FOXO3: variants seen among roughly 807,000 people sequenced by gnomAD.
FOXO3 encodes the protein forkhead box protein O3.
In FOXO3, 4 loss-of-function variants were observed where a neutral mutation model predicts 41.9. The ratio of observed to expected loss-of-function variants is 0.10; its 90% CI spans 0.05 to 0.22. The LOEUF (loss-of-function observed/expected upper bound fraction) is 0.22. Ranked by LOEUF, FOXO3 falls within the 10% of genes least tolerant of loss-of-function variation. FOXO3 has a pLI of 1.00. For missense variants in FOXO3, 534 were observed against 906.8 expected (o/e 0.59, Z 5.28); for synonymous variants, 318 against 389.3 (o/e 0.82, Z 2.16).
intron 1 of FOXO3, among the ~76,000 whole-genome samples, chr6:108,624,021 A>G (rs1368260064): frequency 6.6e-6 from 1 of 152,354 alleles, no homozygotes; most frequent in East Asian, 1.9e-4. Context: ...TCTGAATTGT[A>G]TATATAAACT....
At chr6:108,621,290 T>G (rs1777656318) in intron 1 of FOXO3, among the ~76,000 whole-genome samples, 1 of 152,136 alleles carries the variant, frequency 6.6e-6, no homozygotes, top group African/African-American at 2.4e-5. Flanking sequence ...TTGGGGTGAC[T>G]CGTGGAACCC....
At chr6:108,589,067 G>A (rs193272836) in intron 1 of FOXO3, among the ~76,000 whole-genome samples, 123 of 152,314 alleles carry the variant, frequency 8.1e-4, no homozygotes, top group African/African-American at 2.7e-3. Flanking sequence ...TGATGGAGAA[G>A]TTTGATGCAA....
At chr6:108,579,141 A>G (rs1478128751) in intron 1 of FOXO3, among the ~76,000 whole-genome samples, 2 of 152,212 alleles carry the variant, frequency 1.3e-5, no homozygotes, top group Admixed American at 1.3e-4. Context: ...AAAACAAAAC[A>G]AAACAAACTC....
intron 1 of FOXO3, among the ~76,000 whole-genome samples, chr6:108,574,025 T>TGGC (rs1334270239): frequency 1.3e-5 from 2 of 150,710 alleles, no homozygotes; most frequent in South Asian, 2.1e-4. Context: ...TGGTGGCACA[T>TGGC]GCCTGTAATC....
At chr6:108,669,379 A>T (rs1166042863) in intron 2 of FOXO3, among the ~76,000 whole-genome samples, 1 of 152,194 alleles carries the variant, frequency 6.6e-6, no homozygotes, top group African/African-American at 2.4e-5. Flanking sequence ...GGATAGGACT[A>T]ATTCTAACCA....
At chr6:108,589,694 G>A (rs1028420793) in intron 1 of FOXO3, among the ~76,000 whole-genome samples, 5 of 152,222 alleles carry the variant, frequency 3.3e-5, no homozygotes, top group African/African-American at 1.2e-4. Context: ...GTTCATGTGA[G>A]TTCCTGTGAC....
chr6:108,610,982 C>T (rs1216810879), intron 1 of FOXO3, among the ~76,000 whole-genome samples: 1 of 152,158 alleles, frequency 6.6e-6, no homozygotes, highest in Non-Finnish European at 1.5e-5. Flanking sequence ...AACATTTCAT[C>T]GCCACAAAAA....
chr6:108,587,053 C>T (rs1050616230), intron 1 of FOXO3, among the ~76,000 whole-genome samples: 11 of 151,186 alleles, frequency 7.3e-5, no homozygotes, highest in Non-Finnish European at 1.5e-4. Flanking sequence ...TCAAGCAATC[C>T]TCTCACCTTG....
intron 1 of FOXO3, among the ~76,000 whole-genome samples, chr6:108,580,756 G>C (rs756501363): frequency 9.2e-5 from 14 of 152,208 alleles, no homozygotes; most frequent in Non-Finnish European, 1.3e-4. Context: ...TAGAATTGTA[G>C]ATGTGTTCTA....
At chr6:108,641,130 A>C (rs1582806240) in intron 1 of FOXO3, among the ~76,000 whole-genome samples, 1 of 152,022 alleles carries the variant, frequency 6.6e-6, no homozygotes, top group African/African-American at 2.4e-5. Flanking sequence ...GGCTGGTCTC[A>C]AACTCCTGAC....
intron 1 of FOXO3, among the ~76,000 whole-genome samples, chr6:108,621,962 A>T (rs1232188819): frequency 2.0e-5 from 3 of 152,098 alleles, no homozygotes; most frequent in African/African-American, 7.2e-5. Flanking sequence ...GGAAGACAGA[A>T]GCAGGGGCAG....
At chr6:108,645,458 CTT>C (rs754308130) in intron 1 of FOXO3, among the ~76,000 whole-genome samples, 4,030 of 141,404 alleles carry the variant, frequency 0.028, 131 homozygotes, top group African/African-American at 0.082. Context: ...CCCAGAATTG[CTT>C]TTTTTTTTTT....
At chr6:108,595,775 A>G (rs1562238224) in intron 1 of FOXO3, among the ~76,000 whole-genome samples, 2 of 152,162 alleles carry the variant, frequency 1.3e-5, no homozygotes. Flanking sequence ...TTTGCACACA[A>G]CATGAAATTA....
intron 1 of FOXO3, among the ~76,000 whole-genome samples, chr6:108,605,244 G>A (rs933914270): frequency 2.0e-5 from 3 of 151,884 alleles, no homozygotes; most frequent in African/African-American, 2.4e-5. Flanking sequence ...TCAGCCTCCC[G>A]AGTAACTGGA....
intron 2 of FOXO3, 38 bp downstream of exon 2, chr6:108,664,927 G>A: frequency 1.3e-6 from 2 of 1,536,984 alleles, no homozygotes; most frequent in Non-Finnish European, 1.8e-6. Context: ...ATAACAATAT[G>A]GGGATGAGGG....
chr6:108,616,258 G>C (rs1777509063), intron 1 of FOXO3, among the ~76,000 whole-genome samples: 1 of 150,300 alleles, frequency 6.7e-6, no homozygotes, highest in Admixed American at 6.6e-5. Context: ...TCCGCCTCGT[G>C]GGTTCACACC....
At chr6:108,569,108 G>C (rs558562607) in intron 1 of FOXO3, among the ~76,000 whole-genome samples, 3 of 152,280 alleles carry the variant, frequency 2.0e-5, no homozygotes, top group Non-Finnish European at 4.4e-5. Flanking sequence ...CTGCATTTTG[G>C]GGCAGAAGTC....
At chr6:108,614,023 G>T (rs929154683) in intron 1 of FOXO3, among the ~76,000 whole-genome samples, 1 of 152,062 alleles carries the variant, frequency 6.6e-6, no homozygotes, top group Non-Finnish European at 1.5e-5. Flanking sequence ...AGGATTTTCT[G>T]GATATTTTTC....
At chr6:108,571,086 A>G (rs1465810328) in intron 1 of FOXO3, among the ~76,000 whole-genome samples, 8 of 152,284 alleles carry the variant, frequency 5.3e-5, no homozygotes, top group African/African-American at 1.9e-4. Context: ...GATCAGTGGG[A>G]TGTTCTGTGT....
Sources: allele counts gnomAD v4.1 joint callset (sites outside exome capture counted in the v4.1 genomes callset), GRCh38; gene constraint gnomAD v4.1.1; transcripts MANE v1.5; gene names NCBI Gene and HGNC (gene_info 2026-07-23, HGNC 2026-07-21).